FAM91A1: variants seen among roughly 807,000 people sequenced by gnomAD.
The protein encoded by FAM91A1 is protein FAM91A1.
In FAM91A1, 41 loss-of-function variants were observed where a neutral mutation model predicts 113.5. The ratio of observed to expected loss-of-function variants is 0.36; its 90% CI spans 0.28 to 0.47. The LOEUF (loss-of-function observed/expected upper bound fraction) is 0.47. FAM91A1 is among the 20% of genes least tolerant of loss of function. FAM91A1 has a pLI of 1.00. For missense variants in FAM91A1, 696 were observed against 1,001.2 expected (o/e 0.70, Z 4.11); for synonymous variants, 307 against 347.9 (o/e 0.88, Z 1.31).
intron 15 of FAM91A1, among the ~76,000 whole-genome samples, chr8:123,797,121 A>G (rs1380607291): frequency 1.3e-5 from 2 of 152,126 alleles, no homozygotes. Flanking sequence ...TAATAGATAG[A>G]CACCTTGATG....
chr8:123,805,768 G>C (rs576864298), intron 19 of FAM91A1, among the ~76,000 whole-genome samples: 1 of 151,940 alleles, frequency 6.6e-6, no homozygotes, highest in Non-Finnish European at 1.5e-5. Flanking sequence ...CCTTTGCCTT[G>C]GGGGATTATT....
At chr8:123,793,628 T>C (rs1586384959) in intron 15 of FAM91A1, among the ~76,000 whole-genome samples, 1 of 152,328 alleles carries the variant, frequency 6.6e-6, no homozygotes, top group East Asian at 1.9e-4. Context: ...AGCAATTCTT[T>C]ACTTTCTGGC....
intron 15 of FAM91A1, among the ~76,000 whole-genome samples, chr8:123,797,715 G>C (rs1260347361): frequency 6.6e-6 from 1 of 152,238 alleles, no homozygotes; most frequent in Admixed American, 6.5e-5. Flanking sequence ...TGGGAAGTCT[G>C]AAGTTATATA....
intron 10 of FAM91A1, among the ~76,000 whole-genome samples, 176 bp from the exon 11 acceptor site, chr8:123,785,453 T>C (rs1229724767): frequency 6.6e-6 from 1 of 152,224 alleles, no homozygotes; most frequent in Non-Finnish European, 1.5e-5. Flanking sequence ...AAACATTCCC[T>C]CCTATACATT....
At position 123,810,348 on chromosome 8, in the gene FAM91A1, C is replaced by A. The variant is rs1451369637; in HGVS notation, c.2328C>A (p.Phe776Leu). Residue 776 changes from phenylalanine (F) to leucine (L), a missense_variant, in exon 23 of 24, where the codon TTC (phenylalanine) becomes TTA (leucine). Transcript: ENST00000334705. Reference protein sequence around the residue: ...SLQVLNFVHSFQEGASILDIH... With the variant: ...SLQVLNFVHSLQEGASILDIH... ...AAGTCCTTAACTTTGTTCACTCATT[C>A]CAGGTAACAAAAACCAAAAAGTCCA... The A allele has an allele frequency of 6.2e-7, 1 of 1,612,948 alleles. No individual in the cohort carries two copies. The highest frequency in any genetic ancestry group is 8.5e-7 in the Non-Finnish European group (1 of 1,179,584).
chr8:123,785,812 A>G, intron 11 of FAM91A1, 71 bp downstream of exon 11: 2 of 817,538 alleles, frequency 2.4e-6, no homozygotes, highest in Non-Finnish European at 3.7e-6. Flanking sequence ...TACATACATA[A>G]ATTTATTTAT....
intron 23 of FAM91A1, chr8:123,810,788 A>G (rs1815937040): frequency 5.6e-6 from 1 of 177,508 alleles, no homozygotes; most frequent in Non-Finnish European, 1.2e-5. Flanking sequence ...TTATAGGTAA[A>G]CTTTTAAAAT....
At chr8:123,782,409 C>T (rs75314517) in intron 8 of FAM91A1, among the ~76,000 whole-genome samples, 4,330 of 152,214 alleles carry the variant, frequency 0.028, 222 homozygotes, top group African/African-American at 0.098. Flanking sequence ...ATTTCAGATA[C>T]GTTTCAACAA....
At chr8:123,787,948 T>G (rs991391232) in intron 14 of FAM91A1, among the ~76,000 whole-genome samples, 198 bp downstream of exon 14, 16 of 152,228 alleles carry the variant, frequency 1.1e-4, no homozygotes, top group Non-Finnish European at 5.9e-5. Context: ...TTTTGTGATT[T>G]TTAAAGTGAT....
intron 3 of FAM91A1, among the ~76,000 whole-genome samples, chr8:123,775,751 G>C (rs1814967997): frequency 6.6e-6 from 1 of 152,178 alleles, no homozygotes; most frequent in Admixed American, 6.5e-5. Flanking sequence ...TGGATCATGA[G>C]GTCAGGAGAT....
At chr8:123,810,443 A>G in intron 23 of FAM91A1, 92 bp downstream of exon 23, 3 of 1,080,922 alleles carry the variant, frequency 2.8e-6, no homozygotes, top group Non-Finnish European at 4.3e-6. Context: ...CCACAGCAGC[A>G]AGATATGAAA....
chr8:123,774,029 A>T, intron 1 of FAM91A1, 51 bp from the exon 2 acceptor site: 1 of 1,420,918 alleles, frequency 7.0e-7, no homozygotes, highest in Non-Finnish European at 9.8e-7. Context: ...AAAAAATAGT[A>T]CTATTGTTCA....
intron 1 of FAM91A1, among the ~76,000 whole-genome samples, chr8:123,769,389 T>C (rs942413439): frequency 2.6e-5 from 4 of 152,124 alleles, no homozygotes; most frequent in African/African-American, 9.7e-5. Context: ...GACTGACATG[T>C]TTGGAGTTGA....
intron 1 of FAM91A1, among the ~76,000 whole-genome samples, chr8:123,773,171 T>G (rs1233680980): frequency 1.3e-5 from 2 of 152,246 alleles, no homozygotes; most frequent in African/African-American, 4.8e-5. Flanking sequence ...GTCAGTTTAC[T>G]TAGATGTGAG....
chr8:123,807,995 A>G (rs1815852583), intron 20 of FAM91A1, among the ~76,000 whole-genome samples: 1 of 152,196 alleles, frequency 6.6e-6, no homozygotes, highest in Non-Finnish European at 1.5e-5. Context: ...CACTATGTGC[A>G]GTTTGAGCTG....
chr8:123,793,917 T>A (rs1264933268), intron 15 of FAM91A1, among the ~76,000 whole-genome samples: 1 of 152,192 alleles, frequency 6.6e-6, no homozygotes, highest in Non-Finnish European at 1.5e-5. Context: ...GATTTCGTAT[T>A]GTTCAAAAGG....
At chr8:123,791,113 C>G (rs1238936733) in intron 15 of FAM91A1, among the ~76,000 whole-genome samples, 1 of 152,154 alleles carries the variant, frequency 6.6e-6, no homozygotes, top group Non-Finnish European at 1.5e-5. Flanking sequence ...CCTTTCCTGC[C>G]TATCACAGAA....
intron 15 of FAM91A1, among the ~76,000 whole-genome samples, chr8:123,797,039 G>A (rs907915702): frequency 6.6e-6 from 1 of 151,692 alleles, no homozygotes; most frequent in African/African-American, 2.4e-5. Context: ...CCAGCCTGTC[G>A]ACAGAGTGAG....
chr8:123,798,058 T>C, intron 15 of FAM91A1, 32 bp from the exon 16 acceptor site: 1 of 1,583,024 alleles, frequency 6.3e-7, no homozygotes, highest in East Asian at 2.3e-5. Flanking sequence ...TCTCAGTCTT[T>C]TATTCTGTGT....
Sources: allele counts gnomAD v4.1 joint callset (sites outside exome capture counted in the v4.1 genomes callset), GRCh38; gene constraint gnomAD v4.1.1; transcripts MANE v1.5; gene names NCBI Gene and HGNC (gene_info 2026-07-23, HGNC 2026-07-21).